MTFR1: variants seen among roughly 807,000 people sequenced by gnomAD.
MTFR1 encodes the protein chondrocyte protein with a poly-proline region.
In MTFR1, 28 loss-of-function variants were observed where a neutral mutation model predicts 38.8. That is an observed-to-expected ratio of 0.72 (90% CI 0.53 to 0.99). The LOEUF (loss-of-function observed/expected upper bound fraction) is 0.99, where lower values mean the gene tolerates loss of function less well. Ranked by LOEUF, MTFR1 falls within the 50% of genes least tolerant of loss-of-function variation. MTFR1 has a pLI of 0.00. For missense variants in MTFR1, 358 were observed against 395.5 expected, an observed-to-expected ratio of 0.91 and a Z score of 0.81; for synonymous variants, 145 against 137.0, an observed-to-expected ratio of 1.06 and a Z score of -0.41.
At chr8:65,734,909 G>A (rs1436125935) in intron 3 of MTFR1, 1 of 1,513,632 alleles carries the variant, frequency 6.6e-7, no homozygotes, top group Non-Finnish European at 9.2e-7. Flanking sequence ...ATCAAAGAAA[G>A]AGATCCCGAT....
chr8:65,711,120 G>T (rs1261102689), downstream of MTFR1, among the ~76,000 whole-genome samples: 1 of 152,066 alleles, frequency 6.6e-6, no homozygotes, highest in African/African-American at 2.4e-5. Context: ...ATTTTACACA[G>T]GGTCTCTGTA....
chr8:65,678,922 T>C (rs1440950036), intron 2 of MTFR1, among the ~76,000 whole-genome samples: 1 of 152,040 alleles, frequency 6.6e-6, no homozygotes, highest in Non-Finnish European at 1.5e-5. Flanking sequence ...ATTGGCCACT[T>C]CTCTTGTTGA....
intron 4 of MTFR1, among the ~76,000 whole-genome samples, chr8:65,699,498 A>T (rs1288089924): frequency 6.6e-6 from 1 of 152,228 alleles, no homozygotes; most frequent in Non-Finnish European, 1.5e-5. Context: ...CCGCACCAGC[A>T]TCTCAGGCAG....
At chr8:65,719,139 C>G (rs1407506800) in intron 2 of MTFR1, 1 of 622,336 alleles carries the variant, frequency 1.6e-6, no homozygotes, top group East Asian at 2.7e-5. Context: ...TTCAAATGAT[C>G]CAACAGAGGA....
chr8:65,755,194 T>C (rs1453415729), intron 3 of MTFR1, among the ~76,000 whole-genome samples: 1 of 151,774 alleles, frequency 6.6e-6, no homozygotes, highest in African/African-American at 2.4e-5. Flanking sequence ...CTAATTTTTA[T>C]ATCTTTAGTA....
intron 3 of MTFR1, among the ~76,000 whole-genome samples, chr8:65,742,506 G>C (rs982383100): frequency 6.6e-6 from 1 of 152,152 alleles, no homozygotes; most frequent in Non-Finnish European, 1.5e-5. Context: ...CCTCTGCCTT[G>C]CTGTTCTTCC....
intron 2 of MTFR1, among the ~76,000 whole-genome samples, chr8:65,680,494 C>T (rs1448950379): frequency 6.6e-6 from 1 of 152,138 alleles, no homozygotes; most frequent in African/African-American, 2.4e-5. Flanking sequence ...ATACTGTTAT[C>T]CTTGAATTGG....
At position 65,760,695 on chromosome 8, in the gene MTFR1, C is replaced by T. The variant is rs150852595; in HGVS notation, c.*49-10252C>T. Among the ~76,000 whole-genome samples the T allele has an allele frequency of 3.6e-3, 542 of 152,284 alleles. 3 individuals are homozygous for T. The highest frequency in any genetic ancestry group is 0.011 in the African/African-American group (475 of 41,546). ...TTTCTTCATGTTTACTCCACACCCC[C>T]ACTCCCCTCATCACACAGACACTGT... is the stretch of plus-strand genomic sequence containing the variant. On this transcript the variant is annotated intron_variant, in intron 3 of 3. Coordinates refer to the MTFR1 transcript ENST00000521247.
chr8:65,734,591 C>T (rs1468485116), intron 3 of MTFR1, among the ~76,000 whole-genome samples: 2 of 152,156 alleles, frequency 1.3e-5, no homozygotes, highest in Non-Finnish European at 2.9e-5. Flanking sequence ...CTTCTCCAGC[C>T]TCTCTCTCAA....
At chr8:65,678,893 TA>T (rs567916475) in intron 2 of MTFR1, among the ~76,000 whole-genome samples, 9 of 148,424 alleles carry the variant, frequency 6.1e-5, no homozygotes, top group Middle Eastern at 3.4e-3. Flanking sequence ...TAAAAAAATT[TA>T]AAAAAAAAAG....
intron 1 of MTFR1, among the ~76,000 whole-genome samples, chr8:65,665,543 G>A (rs1804356959): frequency 6.6e-6 from 1 of 152,150 alleles, no homozygotes; most frequent in Non-Finnish European, 1.5e-5. Flanking sequence ...TCATTAAAGA[G>A]TTTTACTCTC....
intron 3 of MTFR1, among the ~76,000 whole-genome samples, chr8:65,691,996 G>A (rs1255967278): frequency 6.6e-6 from 1 of 152,168 alleles, no homozygotes; most frequent in Non-Finnish European, 1.5e-5. Context: ...TAAGGAAGAG[G>A]CATTATTTAA....
At chr8:65,694,793 C>G (rs571897790) in intron 4 of MTFR1, among the ~76,000 whole-genome samples, 95 of 152,282 alleles carry the variant, frequency 6.2e-4, no homozygotes, top group Non-Finnish European at 1.1e-3. Flanking sequence ...TGCTAGAGCT[C>G]CATCATGAGG....
chr8:65,748,517 G>C (rs1807790409), intron 3 of MTFR1, among the ~76,000 whole-genome samples: 1 of 152,202 alleles, frequency 6.6e-6, no homozygotes, highest in South Asian at 2.1e-4. Flanking sequence ...GGCACCAGAT[G>C]AAATGACAGA....
chr8:65,699,331 A>G (rs994868474), intron 4 of MTFR1, among the ~76,000 whole-genome samples: 3 of 152,116 alleles, frequency 2.0e-5, no homozygotes, highest in African/African-American at 7.2e-5. Context: ...GGTTAGAATG[A>G]TTTATTTTCC....
intron 2 of MTFR1, chr8:65,718,266 C>A (rs1365375548): frequency 6.6e-6 from 1 of 152,282 alleles, no homozygotes; most frequent in Non-Finnish European, 1.5e-5. Flanking sequence ...CATGCACAGT[C>A]ACACATGCAC....
intron 1 of MTFR1, among the ~76,000 whole-genome samples, chr8:65,659,505 G>T (rs1285041690): frequency 1.3e-5 from 2 of 148,614 alleles, no homozygotes; most frequent in Admixed American, 1.4e-4. Flanking sequence ...GTCGGACCAC[G>T]CAATCTGAGC....
At chr8:65,758,144 G>A (rs1395219358) in intron 3 of MTFR1, among the ~76,000 whole-genome samples, 1 of 152,136 alleles carries the variant, frequency 6.6e-6, no homozygotes, top group African/African-American at 2.4e-5. Context: ...CCCATTCATA[G>A]AGGGTAGGGT....
downstream of MTFR1, among the ~76,000 whole-genome samples, chr8:65,773,745 C>T (rs1263322142): frequency 6.6e-6 from 1 of 152,072 alleles, no homozygotes; most frequent in Non-Finnish European, 1.5e-5. Context: ...TAGTACATAT[C>T]CTATTTTAAT....
Sources: allele counts gnomAD v4.1 joint callset (sites outside exome capture counted in the v4.1 genomes callset), GRCh38; gene constraint gnomAD v4.1.1; transcripts MANE v1.5; gene names NCBI Gene and HGNC (gene_info 2026-07-23, HGNC 2026-07-21).